MDN1: variants seen among roughly 807,000 people sequenced by gnomAD.
MDN1 encodes midasin.
In MDN1, 266 loss-of-function variants were observed where a neutral mutation model predicts 669.2. The observed-to-expected ratio is 0.40, with a 90% CI of 0.36 to 0.44. The LOEUF is 0.44. Among genes scored for constraint, MDN1 ranks in the 20% least tolerant of loss-of-function variants. The probability of loss-of-function intolerance (pLI) is 1.00; values close to 1 mark genes in which losing one functional copy is unlikely to be tolerated. For missense variants in MDN1, 5,940 were observed against 6,754.0 expected (o/e 0.88, Z 4.22); for synonymous variants, 2,385 against 2,457.1 (o/e 0.97, Z 0.87).
intron 26 of MDN1, among the ~76,000 whole-genome samples, chr6:89,748,646 T>C (rs564629793): frequency 6.6e-6 from 1 of 152,152 alleles, no homozygotes; most frequent in East Asian, 1.9e-4. Context: ...AATGCTTCAA[T>C]ATTATACACA....
In MDN1 at chr6:89,695,471, A is replaced by C; in HGVS notation, c.9771+134T>G. The C allele has an allele frequency of 1.8e-6, 2 of 1,121,092 alleles. No individual in the cohort carries two copies. The highest frequency in any genetic ancestry group is 2.5e-6 in the Non-Finnish European group (2 of 794,726). The allele number at this position is 1,121,092 out of a possible 1,614,324, so 69.4% of individuals were successfully genotyped here. On this transcript the variant is annotated intron_variant, in intron 61 of 101. Transcript: ENST00000369393. This position sits in a 1 kb window ranked among gnomAD's most constrained non-coding sequence, Gnocchi z 4.1. The stretch of plus-strand genomic sequence containing the variant: ...CAGTCTCTAAAACAGACTCCTGGGA[A>C]GTCATAAGGCAACTTATGCAATATC...
Position 89,691,129 on chromosome 6 carries a change from C to A in MDN1, c.10588-295G>T, listed in dbSNP as rs184649899. Among the ~76,000 whole-genome samples, 20 of 152,264 alleles carry A rather than the reference C, an allele frequency of 1.3e-4. No homozygotes were observed. The East Asian group carries it at 3.1e-3, about 24-fold the overall frequency. On this transcript the variant is annotated intron_variant, in intron 63 of 101. Transcript: ENST00000369393. ...AACTTCCTGTCAAGAGGTAAAGGTG[C>A]TTTGTAACAAGGACAGACTCAGGGT...
At position 89,692,598 on chromosome 6, in the gene MDN1, G is replaced by A. The variant is rs771166853; in HGVS notation, c.10432C>T (p.Arg3478Cys). The A allele has an allele frequency of 1.2e-5, 19 of 1,614,110 alleles. No homozygotes were observed. The highest frequency in any genetic ancestry group is 4.0e-5 in the African/African-American group (3 of 74,934). Residue 3478 changes from arginine to cysteine, a missense_variant, in exon 63 of 102, where the codon CGC becomes TGC. By Grantham distance (180) the Arg-to-Cys change is radical. Around this residue, in one of 5 missense-constraint regions of MDN1, gnomAD observed 2,280 missense variants for 2,576.3 expected, o/e 0.88. Transcript: ENST00000369393. ...CCTTCCAGCTCCTTTCCTCCTGAGC[G>A]CTTGAGGATTAGCTTCCCAAGGCCT... ...LRGLGKLILK[R>C]SGGKELEGKG...
At chr6:89,803,825 C>T (rs1767826381) in intron 1 of MDN1, among the ~76,000 whole-genome samples, 1 of 151,660 alleles carries the variant, frequency 6.6e-6, no homozygotes, top group African/African-American at 2.4e-5. Context: ...TCGTGATCCG[C>T]CCGCCTCAGC....
At chr6:89,737,854 G>A (rs897230927) in intron 33 of MDN1, among the ~76,000 whole-genome samples, 4 of 151,666 alleles carry the variant, frequency 2.6e-5, no homozygotes, top group African/African-American at 9.7e-5. Flanking sequence ...CTCCCAAGTA[G>A]CTGGGATTAC....
At chr6:89,813,604 A>T (rs1426586569) in intron 1 of MDN1, among the ~76,000 whole-genome samples, 1 of 151,480 alleles carries the variant, frequency 6.6e-6, no homozygotes, top group African/African-American at 2.4e-5. Context: ...GGTATTGTGC[A>T]CCTGTTGTCC....
At chr6:89,722,874 C>G in intron 40 of MDN1, 81 bp downstream of exon 40, 1 of 1,118,294 alleles carries the variant, frequency 8.9e-7, no homozygotes, top group Non-Finnish European at 1.2e-6. Context: ...AAAAGGCTTG[C>G]AATTAGTGTA....
chr6:89,753,271 A>T (rs2128319207), intron 22 of MDN1, among the ~76,000 whole-genome samples: 1 of 152,336 alleles, frequency 6.6e-6, no homozygotes, highest in Admixed American at 6.5e-5. Flanking sequence ...TATGTAAGAA[A>T]ATAAAATATA....
chr6:89,671,018 G>T lies in MDN1; in HGVS notation c.13857C>A (p.Asp4619Glu). ...RLVPVLSSYS[D>E]LVLFFLTMSL... Reference sequence around the variant, plus strand: ...ACATGGTCAGGAAGAAGAGGACGAGGTCTGAGTAGCTGGAGAGGACCGGCA... The same window carrying T: ...ACATGGTCAGGAAGAAGAGGACGAGTTCTGAGTAGCTGGAGAGGACCGGCA... The change falls in exon 83 of 102, where the codon GAC becomes GAA. Residue 4619 changes from aspartate to glutamate, a missense_variant. Transcript: ENST00000369393. 6.2e-7 allele frequency: 1 copy of T among 1,614,146 alleles called. No individual in the cohort carries two copies. The highest frequency in any genetic ancestry group is 8.5e-7 in the Non-Finnish European group (1 of 1,180,028).
rs569863227 is a variant in MDN1, at chr6:89,693,281, T to C, written c.9882-133A>G. 31 of 640,854 alleles carry C rather than the reference T, an allele frequency of 4.8e-5. No individual in the cohort carries two copies. In the East Asian group the frequency reaches 8.3e-4, roughly 17 times the overall value. 39.7% of individuals were successfully genotyped at this position (640,854 alleles called of 1,614,324 possible). ...AATAATATTTCCAATATCATCTCAG[T>C]TGTGATAATACTGACAATTAGTTAA... On this transcript the variant is annotated intron_variant, in intron 62 of 101. Transcript: ENST00000369393.
rs1207474028 is a variant in MDN1 at position 89,655,776 on chromosome 6, C to T, written c.15478G>A (p.Ala5160Thr). The change falls in exon 92 of 102, where the codon GCA becomes ACA. Residue 5160 changes from alanine to threonine, a missense_variant. Coordinates refer to ENST00000369393, the MANE Select transcript of MDN1 (RefSeq NM_014611.3). ...HIKQGSDAYDAQTYDVASKEQ... is the reference protein window; with the variant it reads ...HIKQGSDAYDTQTYDVASKEQ... ...CCCAGGACCGTACCATAGGTCTGTG[C>T]ATCGTATGCGTCACTGCCTTGTTTA... is the stretch of plus-strand genomic sequence containing the variant. 1.2e-6 allele frequency: 2 copies of T among 1,606,138 alleles called. No individual in the cohort carries two copies. Among genetic ancestry groups the T allele is most frequent in the East Asian group, 2.2e-5 (1 of 44,614 alleles).
At chr6:89,647,956 A>T in intron 99 of MDN1, 76 bp downstream of exon 99, 1 of 1,155,618 alleles carries the variant, frequency 8.7e-7, no homozygotes, top group Middle Eastern at 2.0e-4. Flanking sequence ...CTGTCTCAAA[A>T]ATAAAAATGT....
chr6:89,783,084 A>C (rs939465130), intron 9 of MDN1, among the ~76,000 whole-genome samples: 1 of 152,148 alleles, frequency 6.6e-6, no homozygotes, highest in African/African-American at 2.4e-5. Context: ...AAAGAACAGA[A>C]TAACAGCGAT....
rs1189917745 is a variant in MDN1, at chr6:89,650,008, C to A, written c.16206+16G>T. 6.2e-7 allele frequency: 1 copy of A among 1,613,274 alleles called. No homozygotes were observed. The highest frequency in any genetic ancestry group is 2.2e-5 in the East Asian group (1 of 44,870). On this transcript the variant is annotated intron_variant, in intron 97 of 101. Coordinates refer to ENST00000369393, the MANE Select transcript of MDN1 (RefSeq NM_014611.3). ...TTAATTTCCTATCAAACTGCCACTG[C>A]ATTTCTCTTCCTTACCTGCTTGGTA...
intron 2 of MDN1, among the ~76,000 whole-genome samples, chr6:89,801,212 A>G (rs575786531): frequency 2.6e-5 from 4 of 152,282 alleles, no homozygotes; most frequent in South Asian, 2.1e-4. Flanking sequence ...CCTGGCCAAC[A>G]TGGTGAAACC....
At chr6:89,693,188 G>A in intron 62 of MDN1, 40 bp from the exon 63 acceptor site, 1 of 1,413,902 alleles carries the variant, frequency 7.1e-7, no homozygotes, top group Non-Finnish European at 9.6e-7. Context: ...TATGTCAGAA[G>A]AAGAGCAGCA....
intron 74 of MDN1, 50 bp from the exon 75 acceptor site, chr6:89,678,795 G>A (rs765087505): frequency 3.2e-6 from 5 of 1,570,578 alleles, no homozygotes; most frequent in Non-Finnish European, 8.6e-7. Flanking sequence ...AAATCCCAGG[G>A]GTCTGGTAAT....
chr6:89,774,634 C>G lies in MDN1; in HGVS notation c.1921G>C (p.Val641Leu). 1.2e-6 allele frequency: 2 copies of G among 1,612,896 alleles called. No individual in the cohort carries two copies. Among genetic ancestry groups the G allele is most frequent in the Non-Finnish European group, 1.7e-6 (2 of 1,179,018 alleles). Reference protein sequence around the residue: ...VRLLRKQSEAVHLQREKFTFA... With the variant: ...VRLLRKQSEALHLQREKFTFA... ...AGCCCTACTTACCTCTGTAGGTGAA[C>G]AGCCTCACTTTGTTTCCGTAGAAGC... The change falls in exon 13 of 102, where the codon GTT becomes CTT. Residue 641 changes from valine to leucine, a missense_variant. By Grantham distance (32) the Val-to-Leu change is conservative. Coordinates refer to ENST00000369393, the MANE Select transcript of MDN1 (RefSeq NM_014611.3).
chr6:89,817,862 T>C (rs142415463), intron 1 of MDN1, among the ~76,000 whole-genome samples: 195 of 152,240 alleles, frequency 1.3e-3, no homozygotes, highest in African/African-American at 4.6e-3. Context: ...GGTTGTCCCA[T>C]ACATAACAGA....
Sources: allele counts gnomAD v4.1 joint callset (sites outside exome capture counted in the v4.1 genomes callset), GRCh38; gene constraint gnomAD v4.1.1; regional missense constraint gnomAD v4.1.1; non-coding constraint Gnocchi (gnomAD v3.1); transcripts MANE v1.5; gene names NCBI Gene and HGNC (gene_info 2026-07-23, HGNC 2026-07-21).